Variants in PHLPP1 observed in about 807,000 individuals in gnomAD.
The protein encoded by PHLPP1 is PH domain leucine-rich repeat-containing protein phosphatase 1.
PHLPP1 carries 42 observed loss-of-function variants against 117.2 expected under a neutral mutation model. That is an observed-to-expected ratio of 0.36 (90% CI 0.28 to 0.46). The LOEUF is 0.46. Among genes scored for constraint, PHLPP1 ranks in the 20% least tolerant of loss-of-function variants. The pLI is 1.00. For synonymous variants in PHLPP1, 1,042 were observed against 970.7 expected (o/e 1.07, Z -1.37); for missense variants, 2,084 against 2,241.9 (o/e 0.93, Z 1.42).
chr18:62,919,871 T>A, intron 9 of PHLPP1, 88 bp from the exon 10 acceptor site: 1 of 895,176 alleles, frequency 1.1e-6, no homozygotes, highest in African/African-American at 1.7e-5. Flanking sequence ...TTGTAGTTGC[T>A]CCAAGTGAAT....
intron 1 of PHLPP1, among the ~76,000 whole-genome samples, chr18:62,754,803 G>A (rs1032064314): frequency 2.0e-5 from 3 of 152,168 alleles, no homozygotes; most frequent in East Asian, 1.9e-4. Context: ...TGTTCACGGC[G>A]TTACATTTCT....
chr18:62,904,439 G>A (rs572499916), intron 7 of PHLPP1, among the ~76,000 whole-genome samples: 1 of 152,210 alleles, frequency 6.6e-6, no homozygotes, highest in African/African-American at 2.4e-5. Flanking sequence ...ATAGAAGAAG[G>A]TTGAGGGTAA....
chr18:62,941,824 A>C lies in PHLPP1; in HGVS notation c.3067A>C (p.Ser1023Arg), dbSNP rs1194711747. Residue 1023 changes from serine (S) to arginine (R), a missense_variant, in exon 11 of 17, where the codon AGC (serine) becomes CGC (arginine). Around this residue, in one of 2 missense-constraint regions of PHLPP1, gnomAD observed 1,365 missense variants for 1,605.9 expected, o/e 0.85. Coordinates refer to ENST00000262719, the MANE Select transcript of PHLPP1 (RefSeq NM_194449.4). The part of the protein sequence containing the change: ...ILQELYLTNN[S>R]LTDKCVPLLT... ...ACAAGAGTTGTATTTGACAAATAAC[A>C]GCCTCACAGACAAATGTGTGCCCTT... 1.1e-5 allele frequency: 17 copies of C among 1,613,990 alleles called. No homozygotes were observed. The highest frequency in any genetic ancestry group is 1.7e-5 in the Admixed American group (1 of 60,032).
chr18:62,756,843 T>C (rs1353964628), intron 1 of PHLPP1, among the ~76,000 whole-genome samples: 1 of 152,204 alleles, frequency 6.6e-6, no homozygotes, highest in Non-Finnish European at 1.5e-5. Context: ...GACTTTCTCC[T>C]GAAGCACATG....
intron 1 of PHLPP1, among the ~76,000 whole-genome samples, chr18:62,734,038 A>C (rs542331909): frequency 3.3e-5 from 5 of 152,244 alleles, no homozygotes; most frequent in Non-Finnish European, 4.4e-5. Flanking sequence ...TTTTGAAACA[A>C]AAAAATGCAA....
chr18:62,923,959 A>C (rs1229850430), intron 10 of PHLPP1, among the ~76,000 whole-genome samples: 2 of 152,244 alleles, frequency 1.3e-5, no homozygotes, highest in Non-Finnish European at 2.9e-5. Flanking sequence ...AGTTTAAATC[A>C]CTGTGCTGGA....
At chr18:62,775,910 C>T (rs779937162) in intron 1 of PHLPP1, among the ~76,000 whole-genome samples, 11 of 151,928 alleles carry the variant, frequency 7.2e-5, no homozygotes, top group East Asian at 1.9e-4. Flanking sequence ...ACTAGAGATT[C>T]GTTTGCATTT....
At chr18:62,899,601 A>G (rs186050237) in intron 6 of PHLPP1, among the ~76,000 whole-genome samples, 446 of 151,916 alleles carry the variant, frequency 2.9e-3, no homozygotes, top group Non-Finnish European at 4.6e-3. Context: ...AACATATTTG[A>G]CTCTCCTTAC....
chr18:62,916,747 C>CTTTTTTTTTTTTTTTTTT (rs10538704), intron 9 of PHLPP1, among the ~76,000 whole-genome samples: 5 of 71,090 alleles, frequency 7.0e-5, no homozygotes, highest in Admixed American at 2.3e-4. Flanking sequence ...TCCTTCTATT[C>CTTTTTTTTTTTTTTTTTT]TTTTTTTTTT....
At chr18:62,962,627 T>A (rs1367089983) in intron 13 of PHLPP1, among the ~76,000 whole-genome samples, 1 of 152,190 alleles carries the variant, frequency 6.6e-6, no homozygotes, top group Non-Finnish European at 1.5e-5. Flanking sequence ...TTTTAAGAAA[T>A]GCTATTTGAG....
rs537919344 is a variant in PHLPP1, at chr18:62,760,098, G to C, written c.1576+42839G>C. On this transcript the variant is annotated intron_variant, in intron 1 of 16. Transcript: ENST00000262719. ...TGAAAACTGGCAGTTCTAAGGGATGGATACTAGTGGTCTACAGATTTATAT... is the reference window on the plus strand; with the variant it reads ...TGAAAACTGGCAGTTCTAAGGGATGCATACTAGTGGTCTACAGATTTATAT... Among the ~76,000 whole-genome samples the C allele has an allele frequency of 7.2e-5, 11 of 152,274 alleles. No homozygotes were observed. The South Asian group carries it at 1.7e-3, about 23-fold the overall frequency.
chr18:62,720,081 A>G (rs1409635584), intron 1 of PHLPP1, among the ~76,000 whole-genome samples: 1 of 152,214 alleles, frequency 6.6e-6, no homozygotes, highest in East Asian at 1.9e-4. Context: ...AGATATGGGA[A>G]AATTTAATTA....
chr18:62,809,585 C>T (rs528967518), intron 1 of PHLPP1, among the ~76,000 whole-genome samples: 1 of 152,020 alleles, frequency 6.6e-6, no homozygotes, highest in Non-Finnish European at 1.5e-5. Context: ...GCCTGTAGTC[C>T]CAGCAACTCC....
intron 4 of PHLPP1, among the ~76,000 whole-genome samples, chr18:62,861,549 T>C (rs773134830): frequency 2.0e-5 from 3 of 152,252 alleles, no homozygotes; most frequent in Admixed American, 6.5e-5. Context: ...TTGATACTTA[T>C]ATATTTGTTG....
At chr18:62,931,101 G>A (rs1036808318) in intron 10 of PHLPP1, among the ~76,000 whole-genome samples, 3 of 151,982 alleles carry the variant, frequency 2.0e-5, no homozygotes, top group African/African-American at 7.3e-5. Context: ...GGAGGCTGAG[G>A]CAGGAGAATT....
intron 3 of PHLPP1, among the ~76,000 whole-genome samples, chr18:62,840,650 G>A (rs1321186410): frequency 1.3e-5 from 2 of 152,136 alleles, no homozygotes; most frequent in Non-Finnish European, 2.9e-5. Context: ...GGATCAAAGT[G>A]CAGCACATTT....
At chr18:62,736,086 A>G (rs1218303206) in intron 1 of PHLPP1, among the ~76,000 whole-genome samples, 1 of 152,186 alleles carries the variant, frequency 6.6e-6, no homozygotes, top group Non-Finnish European at 1.5e-5. Context: ...GAGAGCATCT[A>G]ATAGTTTCTT....
chr18:62,811,335 G>A (rs928279170), intron 1 of PHLPP1, among the ~76,000 whole-genome samples: 12 of 152,072 alleles, frequency 7.9e-5, no homozygotes, highest in Non-Finnish European at 1.8e-4. Flanking sequence ...GATAACTTAT[G>A]GAATATTTTG....
intron 8 of PHLPP1, 41 bp from the exon 9 acceptor site, chr18:62,914,872 A>G: frequency 7.1e-7 from 1 of 1,414,668 alleles, no homozygotes; most frequent in African/African-American, 1.4e-5. Context: ...ACCACATTTG[A>G]GGACAAATTC....
Sources: gnomAD v4.1 joint callset for allele counts (sites outside exome capture counted in the v4.1 genomes callset) on GRCh38, gnomAD v4.1.1 for gene constraint, gnomAD v4.1.1 regional missense constraint, MANE v1.5 for transcripts, NCBI Gene and HGNC (gene_info 2026-07-23, HGNC 2026-07-21) for gene names.